IARS1: variants seen among roughly 807,000 people sequenced by gnomAD.
The protein encoded by IARS1 is isoleucine--tRNA ligase, cytoplasmic.
Under a neutral mutation model 168.2 loss-of-function variants are expected in IARS1, and 124 were observed. That is an observed-to-expected ratio of 0.74 (90% confidence interval 0.64 to 0.86). The LOEUF is 0.86. Ranked by LOEUF, IARS1 falls within the 40% of genes least tolerant of loss-of-function variation. The pLI, the probability that IARS1 is intolerant of heterozygous loss-of-function variation, is 0.00. For missense variants in IARS1, 1,452 were observed against 1,515.8 expected, an observed-to-expected ratio of 0.96 and a Z score of 0.70; for synonymous variants, 532 against 529.4, an observed-to-expected ratio of 1.00 and a Z score of -0.07.
chr9:92,239,445 A>G (rs1828029732), intron 30 of IARS1, among the ~76,000 whole-genome samples: 1 of 152,160 alleles, frequency 6.6e-6, no homozygotes, highest in South Asian at 2.1e-4. Flanking sequence ...TAGGTGTTAT[A>G]TCTTTTTCAC....
At chr9:92,222,331 A>G (rs1285057848) in intron 33 of IARS1, among the ~76,000 whole-genome samples, 189 bp downstream of exon 33, 3 of 121,832 alleles carry the variant, frequency 2.5e-5, no homozygotes, top group African/African-American at 1.0e-4. Context: ...ACAAAGTGAG[A>G]CTCAGTCTCA....
intron 20 of IARS1, 60 bp from the exon 21 acceptor site, chr9:92,253,513 G>T (rs993883155): frequency 9.1e-7 from 1 of 1,098,990 alleles, no homozygotes; most frequent in African/African-American, 1.5e-5. Flanking sequence ...GGGGTGGGGA[G>T]AGGGTTGGAT....
chr9:92,276,442 C>T (rs757917578), intron 9 of IARS1, among the ~76,000 whole-genome samples: 16 of 152,094 alleles, frequency 1.1e-4, no homozygotes, highest in Admixed American at 3.3e-4. Context: ...AAATAACTAA[C>T]GCCTGTAGGG....
chr9:92,277,661 G>C (rs541538307), intron 9 of IARS1, among the ~76,000 whole-genome samples: 5 of 135,304 alleles, frequency 3.7e-5, no homozygotes, highest in Admixed American at 3.5e-4. Flanking sequence ...GGGGACAGAG[G>C]AAACCCTGTT....
chr9:92,244,057 G>GCAT lies in IARS1; in HGVS notation c.2905-749_2905-747dup, dbSNP rs377381728. ...ATAAAGGCATCAGAGGTAGTGAAAT[G>GCAT]CATGATAAACTCAAAATTCCAGTCA... On this transcript the variant is annotated intron_variant, in intron 27 of 33. Coordinates refer to ENST00000443024, the MANE Select transcript of IARS1 (RefSeq NM_002161.6). 2.6e-3 allele frequency among the ~76,000 whole-genome samples: 398 copies of GCAT among 152,272 alleles called. 2 individuals are homozygous for GCAT. Among genetic ancestry groups the GCAT allele is most frequent in the African/African-American group, 8.9e-3 (370 of 41,554 alleles).
At chr9:92,212,522 T>C (rs1218233894) in intron 33 of IARS1, among the ~76,000 whole-genome samples, 1 of 152,240 alleles carries the variant, frequency 6.6e-6, no homozygotes, top group Non-Finnish European at 1.5e-5. Context: ...GACATGGTTC[T>C]ACCCCTGACC....
In IARS1 at chr9:92,249,336, G is replaced by C. The variant is rs955956137; in HGVS notation, c.2616+522C>G. Among the ~76,000 whole-genome samples, 7 of 152,310 alleles carry C rather than the reference G, an allele frequency of 4.6e-5. No individual in the cohort carries two copies. The South Asian group carries it at 1.2e-3, about 27-fold the overall frequency. On this transcript the variant is annotated intron_variant, in intron 25 of 33. Coordinates refer to ENST00000443024, the MANE Select transcript of IARS1 (RefSeq NM_002161.6). ...GGAGGCCAAGGCGGGCAGATCACTTGAGGTCAGGAGTTTGAGACCAACCTG... is the reference window on the plus strand; with the variant it reads ...GGAGGCCAAGGCGGGCAGATCACTTCAGGTCAGGAGTTTGAGACCAACCTG...
Position 92,260,161 on chromosome 9 carries a change from C to T in IARS1, c.1861G>A (p.Asp621Asn). The T allele has an allele frequency of 6.2e-7, 1 of 1,612,520 alleles. No homozygotes were observed. Residue 621 changes from aspartate (D) to asparagine (N), a missense_variant, in exon 18 of 34, where the codon GAT (aspartate) becomes AAT (asparagine). Coordinates refer to ENST00000443024, the MANE Select transcript of IARS1 (RefSeq NM_002161.6). ...PVSIIQKYGADALRLYLINSP... is the reference protein window; with the variant it reads ...PVSIIQKYGANALRLYLINSP... ...AGCACTGGTTTGTACCTGAGGGCAT[C>T]AGCACCATACTTCTGGATGATGGAA...
Position 92,244,944 on chromosome 9 carries a change from G to A in IARS1, c.2904+15C>T, listed in dbSNP as rs1828963415. ...ATCTCTTGGTAAAGAAATGTTCTAG[G>A]AAACAGAAAAATACCTGAGCATCTG... On this transcript the variant is annotated intron_variant, in intron 27 of 33. Transcript: ENST00000443024. 1 of 1,603,346 alleles carries A rather than the reference G, an allele frequency of 6.2e-7. No individual in the cohort carries two copies. The highest frequency in any genetic ancestry group is 8.5e-7 in the Non-Finnish European group (1 of 1,170,302).
intron 7 of IARS1, among the ~76,000 whole-genome samples, chr9:92,278,625 C>T (rs1834087625): frequency 6.6e-6 from 1 of 152,142 alleles, no homozygotes; most frequent in African/African-American, 2.4e-5. Flanking sequence ...TGCCACATAT[C>T]ACCCCCTCTC....
intron 30 of IARS1, among the ~76,000 whole-genome samples, chr9:92,235,554 G>T (rs1200168534): frequency 4.1e-5 from 5 of 120,706 alleles, no homozygotes; most frequent in Non-Finnish European, 4.8e-5. Context: ...GTCTCCCTCT[G>T]TCGCCCAGGC....
intron 33 of IARS1, among the ~76,000 whole-genome samples, chr9:92,215,763 G>A (rs559567386): frequency 1.3e-5 from 2 of 151,832 alleles, no homozygotes; most frequent in South Asian, 4.2e-4. Context: ...CAAGAAATAT[G>A]GGACTATGTG....
chr9:92,251,529 C>T (rs771678359), intron 22 of IARS1, among the ~76,000 whole-genome samples: 17 of 152,170 alleles, frequency 1.1e-4, no homozygotes, highest in Non-Finnish European at 2.1e-4. Flanking sequence ...GTATGTCTTA[C>T]TTTGAACTGT....
chr9:92,272,540 G>A (rs3847319), intron 10 of IARS1, among the ~76,000 whole-genome samples: 4,724 of 152,254 alleles, frequency 0.031, 264 homozygotes, highest in African/African-American at 0.11. Flanking sequence ...CAAGTGCAAC[G>A]GAAGGCCTCT....
intron 30 of IARS1, among the ~76,000 whole-genome samples, chr9:92,232,843 A>C (rs756050000): frequency 6.6e-6 from 1 of 152,126 alleles, no homozygotes; most frequent in Non-Finnish European, 1.5e-5. Flanking sequence ...GTCTTTTTAT[A>C]ACTTTGTGAC....
Position 92,271,570 on chromosome 9 carries a change from G to C in IARS1, c.1076C>G (p.Thr359Arg). ...VCPVDASGCF[T>R]TEVTDFAGQY... is the part of the protein sequence containing the mutation. Reference sequence around the variant, plus strand: ...TCCTGCGAAATCTGTCACCTCCGTTGTGAAGCAGCCTGAAGCATCCACAGG... The same window carrying C: ...TCCTGCGAAATCTGTCACCTCCGTTCTGAAGCAGCCTGAAGCATCCACAGG... Residue 359 changes from threonine to arginine, a missense_variant, in exon 11 of 34, where the codon ACA becomes AGA. Physicochemically the swap from Thr to Arg is moderately conservative, Grantham distance 71. Transcript: ENST00000443024. 6.2e-7 allele frequency: 1 copy of C among 1,614,100 alleles called. No individual in the cohort carries two copies. The highest frequency in any genetic ancestry group is 1.1e-5 in the South Asian group (1 of 91,082).
At chr9:92,279,828 T>C (rs1834284337) in intron 7 of IARS1, among the ~76,000 whole-genome samples, 1 of 152,190 alleles carries the variant, frequency 6.6e-6, no homozygotes, top group Non-Finnish European at 1.5e-5. Context: ...TCAACCACCA[T>C]TCTACTAGTC....
chr9:92,258,374 A>C (rs1831027781), intron 19 of IARS1, among the ~76,000 whole-genome samples: 1 of 152,164 alleles, frequency 6.6e-6, no homozygotes, highest in African/African-American at 2.4e-5. Context: ...AGGGCGGATC[A>C]CCTGAGGTCT....
chr9:92,261,644 C>CT (rs1192506717), intron 17 of IARS1, among the ~76,000 whole-genome samples: 1 of 152,144 alleles, frequency 6.6e-6, no homozygotes, highest in African/African-American at 2.4e-5. Flanking sequence ...GTGATATATA[C>CT]TGTAGTTTTG....
Sources: gnomAD v4.1 joint callset for allele counts (sites outside exome capture counted in the v4.1 genomes callset) on GRCh38, gnomAD v4.1.1 for gene constraint, MANE v1.5 for transcripts, NCBI Gene and HGNC (gene_info 2026-07-23, HGNC 2026-07-21) for gene names.